The following EMC8 variants were observed in gnomAD, a reference collection of about 807,000 sequenced individuals.
EMC8 encodes ER membrane protein complex subunit 8.
A neutral mutation model predicts 24.3 loss-of-function variants in EMC8; 11 were observed. The observed-to-expected ratio is 0.45, with a 90% CI of 0.28 to 0.75. The LOEUF is 0.75. Ranked by LOEUF, EMC8 falls within the 30% of genes least tolerant of loss-of-function variation. The pLI is 0.12. For synonymous variants in EMC8, 145 were observed against 117.7 expected (o/e 1.23, Z -1.50); for missense variants, 277 against 282.7 (o/e 0.98, Z 0.14).
At chr16:85,785,457 C>T (rs1291613313) in intron 2 of EMC8, among the ~76,000 whole-genome samples, 1 of 152,090 alleles carries the variant, frequency 6.6e-6, no homozygotes, top group Non-Finnish European at 1.5e-5. Context: ...GTAATTCCAG[C>T]TACTCAGGAG....
Position 85,783,121 on chromosome 16 carries a change from G to A in EMC8, c.309-1841C>T, listed in dbSNP as rs558125759. ...AGTTCGAGACCAGCCTGGCCAACAT[G>A]GTGAAACCCTGTCTCTACTAAAAAT... On this transcript the variant is annotated intron_variant, in intron 2 of 4. Transcript: ENST00000253457. Among the ~76,000 whole-genome samples the A allele has an allele frequency of 4.6e-5, 7 of 152,268 alleles. No homozygotes were observed. The South Asian group carries it at 1.5e-3, about 32-fold the overall frequency.
chr16:85,796,718 G>A (rs915076697), intron 1 of EMC8, among the ~76,000 whole-genome samples: 5 of 152,040 alleles, frequency 3.3e-5, no homozygotes, highest in African/African-American at 1.2e-4. Flanking sequence ...GCACATGCTG[G>A]TCCCTTGAAT....
chr16:85,798,795 T>C (rs1259221905), intron 1 of EMC8: 19 of 425,038 alleles, frequency 4.5e-5, no homozygotes. Context: ...CTACAAAGGC[T>C]ACTGATTTCA....
chr16:85,780,343 G>A (rs1904429989), intron 4 of EMC8, 36 bp downstream of exon 4: 1 of 1,537,434 alleles, frequency 6.5e-7, no homozygotes, highest in African/African-American at 1.4e-5. Context: ...GGCGCTGAAG[G>A]AGCCCAGCCC....
chr16:85,798,818 A>G (rs1414559689), intron 1 of EMC8: 9 of 459,190 alleles, frequency 2.0e-5, no homozygotes, highest in African/African-American at 8.0e-5. Context: ...AAACTAACGT[A>G]TAACTCGTCG....
At position 85,788,968 on chromosome 16, in the gene EMC8, A is replaced by C. The variant is rs1904881210; in HGVS notation, c.308+6T>G. ...CTCGCCCACAGAGGGTTCTGCATCC[A>C]CGTACCTGGCATCCTTTACTCGCTC... On this transcript the variant is annotated splice_donor_region_variant and intron_variant, in intron 2 of 4. Coordinates refer to ENST00000253457, the MANE Select transcript of EMC8 (RefSeq NM_006067.5). 2 of 1,606,604 alleles carry C rather than the reference A, an allele frequency of 1.2e-6. No homozygotes were observed. The highest frequency in any genetic ancestry group is 1.3e-5 in the African/African-American group (1 of 74,856).
rs559812828 is a variant in EMC8 at position 85,788,013 on chromosome 16, C to T, written c.308+961G>A. ...CAACGGCAGGGCCCTTCACTGCACC[C>T]CCATCTCCCTGGACACTGGAGGGTC... On this transcript the variant is annotated intron_variant, in intron 2 of 4. Transcript: ENST00000253457. 2.0e-5 allele frequency among the ~76,000 whole-genome samples: 3 copies of T among 152,330 alleles called. No individual in the cohort carries two copies. In the East Asian group the frequency reaches 5.8e-4, roughly 29 times the overall value.
At chr16:85,794,164 T>C (rs78606597) in intron 1 of EMC8, among the ~76,000 whole-genome samples, 1 of 152,318 alleles carries the variant, frequency 6.6e-6, no homozygotes, top group East Asian at 1.9e-4. Flanking sequence ...GATAACCTCA[T>C]AAACTATGGC....
At position 85,799,430 on chromosome 16, in the gene EMC8, G is replaced by T. The variant is rs1017606357; in HGVS notation, c.-135C>A. 58 of 505,026 alleles carry T rather than the reference G, an allele frequency of 1.1e-4. No individual in the cohort carries two copies. Among genetic ancestry groups the T allele is most frequent in the Non-Finnish European group, 2.3e-5 (7 of 301,944 alleles). 31.3% of individuals were successfully genotyped at this position (505,026 alleles called of 1,614,324 possible). ...ATGGCGCGGCCGCGGGCTGGCGGGG[G>T]ACCCTTCAGGCCCGGCCCCGTTTGG... is the stretch of plus-strand genomic sequence containing the variant. On this transcript the variant is annotated 5_prime_UTR_variant, in exon 1 of 5. Transcript: ENST00000253457. The surrounding 1 kb of genome is among the most constrained non-coding windows in gnomAD (Gnocchi z 4.2).
intron 1 of EMC8, among the ~76,000 whole-genome samples, chr16:85,797,873 G>C (rs191325341): frequency 1.3e-5 from 2 of 152,168 alleles, no homozygotes; most frequent in Non-Finnish European, 2.9e-5. Context: ...ATGCAGGTCT[G>C]AAGCTACAGT....
chr16:85,781,566 T>C (rs1471649050), intron 2 of EMC8: 2 of 313,808 alleles, frequency 6.4e-6, no homozygotes, highest in African/African-American at 2.2e-5. Flanking sequence ...TAGCTGGGAC[T>C]ATAGGCACAG....
chr16:85,789,685 G>C (rs959855694), intron 1 of EMC8, among the ~76,000 whole-genome samples: 1 of 151,948 alleles, frequency 6.6e-6, no homozygotes, highest in Non-Finnish European at 1.5e-5. Flanking sequence ...CCAGCTACTC[G>C]GGAGGCTGAG....
intron 1 of EMC8, among the ~76,000 whole-genome samples, chr16:85,794,748 A>C (rs1351581597): frequency 1.7e-4 from 26 of 152,186 alleles, no homozygotes; most frequent in Non-Finnish European, 2.8e-4. Flanking sequence ...TTCACTGCTG[A>C]AGAGTAGTTA....
At chr16:85,798,068 T>C (rs1905328537) in intron 1 of EMC8, among the ~76,000 whole-genome samples, 1 of 151,338 alleles carries the variant, frequency 6.6e-6, no homozygotes, top group Non-Finnish European at 1.5e-5. Context: ...CATAAAAGCG[T>C]GTTGGACAGA....
At chr16:85,783,888 G>A (rs1281064920) in intron 2 of EMC8, among the ~76,000 whole-genome samples, 1 of 152,226 alleles carries the variant, frequency 6.6e-6, no homozygotes, top group Non-Finnish European at 1.5e-5. Flanking sequence ...ATTTCTAAGA[G>A]GCTCTAACAC....
chr16:85,799,076 C>T lies in EMC8; in HGVS notation c.220G>A (p.Ala74Thr). 6.4e-7 allele frequency: 1 copy of T among 1,550,948 alleles called. No individual in the cohort carries two copies. The highest frequency in any genetic ancestry group is 8.7e-7 in the Non-Finnish European group (1 of 1,146,204). The change falls in exon 1 of 5, where the codon GCT (alanine) becomes ACT (threonine). Residue 74 changes from alanine (A) to threonine (T), a missense_variant. Ala to Thr is a moderately conservative substitution (Grantham distance 58, BLOSUM62 0). Transcript: ENST00000253457. This position sits in a 1 kb window ranked among gnomAD's most constrained non-coding sequence, Gnocchi z 4.2. ...CTTTCCGCGCTTACCAGGGTGAGAG[C>T]CACCTCCAGCATGGGGGCGAGGGCC... is the stretch of plus-strand genomic sequence containing the variant. ...TLALAPMLEVALTLIDSWCKD... is the reference protein window; with the variant it reads ...TLALAPMLEVTLTLIDSWCKD...
intron 2 of EMC8, chr16:85,784,325 T>C (rs1469752767): frequency 1.3e-5 from 2 of 152,216 alleles, no homozygotes; most frequent in African/African-American, 2.4e-5. Context: ...GCCATAAAAA[T>C]ACATGCATTA....
chr16:85,780,093 G>A, intron 4 of EMC8: 1 of 601,304 alleles, frequency 1.7e-6, no homozygotes, highest in Non-Finnish European at 2.9e-6. Flanking sequence ...AAAGTTGGAG[G>A]CAGATGACTG....
At chr16:85,780,172 G>A (rs746971354) in intron 4 of EMC8, 33 of 604,932 alleles carry the variant, frequency 5.5e-5, no homozygotes, top group Non-Finnish European at 7.1e-5. Flanking sequence ...TCTAGCGCCT[G>A]GGGTGGGAAG....
Sources: allele counts gnomAD v4.1 joint callset (sites outside exome capture counted in the v4.1 genomes callset), GRCh38; gene constraint gnomAD v4.1.1; non-coding constraint Gnocchi (gnomAD v3.1); transcripts MANE v1.5; gene names NCBI Gene and HGNC (gene_info 2026-07-23, HGNC 2026-07-21).